Variants in VRK2 observed in about 807,000 individuals in gnomAD.
VRK2 encodes VRK serine/threonine kinase 2, also known as serine/threonine-protein kinase VRK2.
A neutral mutation model predicts 57.6 loss-of-function variants in VRK2; 60 were observed. The ratio of observed to expected loss-of-function variants is 1.04; its 90% CI spans 0.85 to 1.29. The LOEUF is 1.29. VRK2 is among the 50% of genes most tolerant of loss of function. The pLI is 0.00. For synonymous variants in VRK2, 231 were observed against 199.2 expected (o/e 1.16, Z -1.35); for missense variants, 705 against 588.1 (o/e 1.20, Z -2.06).
intron 8 of VRK2, 136 bp downstream of exon 8, chr2:58,123,369 A>G (rs7558007): frequency 0.94 from 986,750 of 1,051,946 alleles, 463,107 homozygotes; most frequent in East Asian, 1. Flanking sequence ...ATCAAAAGTA[A>G]TGAATTCCTG....
rs117595515 is a variant in VRK2 at position 58,037,158 on chromosome 2, A to G, written c.-6+3605A>G. On this transcript the variant is annotated intron_variant, in intron 3 of 15. Coordinates refer to the VRK2 transcript ENST00000417641. ...ATCATGTTGCCCAGGCTGATCTCCA[A>G]TTCCTGGGCTCAGGCAATCCTCCTG... Among the ~76,000 whole-genome samples the G allele has an allele frequency of 2.8e-4, 43 of 152,036 alleles. No homozygotes were observed. In the East Asian group the frequency reaches 8.3e-3, roughly 29 times the overall value.
At chr2:58,119,262 C>G (rs1242784828) in intron 7 of VRK2, among the ~76,000 whole-genome samples, 1 of 151,604 alleles carries the variant, frequency 6.6e-6, no homozygotes, top group East Asian at 1.9e-4. Flanking sequence ...CTTTGGGAGA[C>G]CAAGGTGGGT....
At chr2:58,019,526 T>C (rs1203793092) in intron 1 of VRK2, among the ~76,000 whole-genome samples, 1 of 152,192 alleles carries the variant, frequency 6.6e-6, no homozygotes, top group Non-Finnish European at 1.5e-5. Flanking sequence ...TGTAACTTGA[T>C]CCATCTTTGA....
chr2:57,947,326 T>A (rs1392022825), intron 1 of VRK2, among the ~76,000 whole-genome samples: 2 of 152,204 alleles, frequency 1.3e-5, no homozygotes, highest in Non-Finnish European at 2.9e-5. Flanking sequence ...TATTAGTATG[T>A]AATATGTTGT....
intron 1 of VRK2, among the ~76,000 whole-genome samples, chr2:58,009,013 A>G (rs550565707): frequency 1.3e-5 from 2 of 152,162 alleles, no homozygotes; most frequent in Admixed American, 6.5e-5. Context: ...CCCTCTGCCA[A>G]CCCCTTTAAT....
intron 2 of VRK2, among the ~76,000 whole-genome samples, chr2:58,052,706 T>C (rs1675936563): frequency 6.6e-6 from 1 of 152,106 alleles, no homozygotes; most frequent in Non-Finnish European, 1.5e-5. Context: ...TTTGGTGGAT[T>C]TAACTACTAA....
At chr2:57,964,141 C>T (rs1163438743) in intron 1 of VRK2, among the ~76,000 whole-genome samples, 1 of 152,142 alleles carries the variant, frequency 6.6e-6, no homozygotes, top group Non-Finnish European at 1.5e-5. Flanking sequence ...TACCTTTTGA[C>T]TCCCCCAAAA....
At chr2:57,978,078 T>C (rs1450452632) in intron 1 of VRK2, among the ~76,000 whole-genome samples, 2 of 151,302 alleles carry the variant, frequency 1.3e-5, no homozygotes, top group Admixed American at 6.6e-5. Context: ...TATTTGATCA[T>C]AGTGAATTAG....
intron 1 of VRK2, among the ~76,000 whole-genome samples, chr2:57,917,290 C>T (rs572848942): frequency 1.6e-4 from 25 of 151,928 alleles, no homozygotes; most frequent in Non-Finnish European, 2.8e-4. Context: ...CCTTTACTCC[C>T]TTACCTCCAG....
At chr2:57,913,307 T>C (rs1282017387) in intron 1 of VRK2, among the ~76,000 whole-genome samples, 1 of 152,208 alleles carries the variant, frequency 6.6e-6, no homozygotes, top group Non-Finnish European at 1.5e-5. Context: ...ATAGGTATTT[T>C]ATAGGGATTA....
At chr2:58,004,420 T>G (rs1043642433) in intron 1 of VRK2, among the ~76,000 whole-genome samples, 1 of 152,146 alleles carries the variant, frequency 6.6e-6, no homozygotes, top group African/African-American at 2.4e-5. Context: ...TACCAAAAGC[T>G]TTTTATTAGA....
intron 7 of VRK2, among the ~76,000 whole-genome samples, chr2:58,105,627 G>C (rs567688703): frequency 6.6e-6 from 1 of 150,496 alleles, no homozygotes; most frequent in East Asian, 1.9e-4. Flanking sequence ...TTCACAAACT[G>C]TTACATATAG....
chr2:57,951,360 A>C (rs541824694), intron 1 of VRK2, among the ~76,000 whole-genome samples: 1 of 152,194 alleles, frequency 6.6e-6, no homozygotes, highest in Non-Finnish European at 1.5e-5. Flanking sequence ...CAGACGAGCA[A>C]AGAAAGTGGT....
At chr2:58,102,256 C>T (rs1674076677) in intron 7 of VRK2, among the ~76,000 whole-genome samples, 1 of 151,322 alleles carries the variant, frequency 6.6e-6, no homozygotes, top group Non-Finnish European at 1.5e-5. Flanking sequence ...TTAATATTAA[C>T]CTTGAATATA....
At chr2:58,040,775 C>T (rs1188032984) in intron 3 of VRK2, among the ~76,000 whole-genome samples, 1 of 152,148 alleles carries the variant, frequency 6.6e-6, no homozygotes, top group African/African-American at 2.4e-5. Flanking sequence ...AAAAGGTTCA[C>T]AGTAGGAGAG....
intron 1 of VRK2, among the ~76,000 whole-genome samples, chr2:57,908,779 T>C (rs1572846948): frequency 6.6e-6 from 1 of 152,162 alleles, no homozygotes; most frequent in Non-Finnish European, 1.5e-5. Flanking sequence ...TAAATTAAAA[T>C]GAAGACCAGG....
At chr2:58,144,863 G>T (rs890884666) in intron 11 of VRK2, among the ~76,000 whole-genome samples, 1 of 151,956 alleles carries the variant, frequency 6.6e-6, no homozygotes, top group Admixed American at 6.6e-5. Flanking sequence ...GAGTGGTGTT[G>T]TGACAATTTA....
At chr2:57,929,042 A>G (rs1670633962) in intron 1 of VRK2, among the ~76,000 whole-genome samples, 1 of 152,158 alleles carries the variant, frequency 6.6e-6, no homozygotes, top group Admixed American at 6.5e-5. Context: ...CAAGGCCCAC[A>G]ATAACCACTG....
intron 1 of VRK2, among the ~76,000 whole-genome samples, chr2:57,948,815 G>A (rs76821328): frequency 0.027 from 4,149 of 152,108 alleles, 76 homozygotes; most frequent in Admixed American, 0.061. Context: ...ACCTGAAAAA[G>A]AGACACAAAA....
Sources: gnomAD v4.1 joint callset for allele counts (sites outside exome capture counted in the v4.1 genomes callset) on GRCh38, gnomAD v4.1.1 for gene constraint, MANE v1.5 for transcripts, NCBI Gene and HGNC (gene_info 2026-07-23, HGNC 2026-07-21) for gene names.